The following EHMT2 variants were observed in gnomAD, a reference collection of about 807,000 sequenced individuals.
EHMT2 encodes the protein euchromatic histone lysine methyltransferase 2, also known as histone-lysine N-methyltransferase EHMT2.
Under a neutral mutation model 143.3 loss-of-function variants are expected in EHMT2, and 59 were observed. The ratio of observed to expected loss-of-function variants is 0.41; its 90% CI spans 0.33 to 0.51. The LOEUF is 0.51. EHMT2 is among the 20% of genes least tolerant of loss of function. EHMT2 has a pLI of 0.18. For missense variants in EHMT2, 1,174 were observed against 1,645.9 expected (o/e 0.71, Z 4.96); for synonymous variants, 604 against 651.5 (o/e 0.93, Z 1.11).
chr6:31,881,488 C>T lies in EHMT2; in HGVS notation c.3198-396G>A, dbSNP rs1289268901. ...TACAGGAGTGGCAAGGAACTCAAGG[C>T]ATGATTCGGGGCAAGAGCACCCACA... On this transcript the variant is annotated intron_variant, in intron 25 of 27. Transcript: ENST00000375537. This position sits in a 1 kb window ranked among gnomAD's most constrained non-coding sequence, Gnocchi z 4.8. 1.3e-5 allele frequency: 4 copies of T among 301,616 alleles called. No individual in the cohort carries two copies. The highest frequency in any genetic ancestry group is 8.2e-5 in the Admixed American group (2 of 24,250). The allele number at this position is 301,616 out of a possible 1,614,324, so 18.7% of individuals were successfully genotyped here. A position where few individuals can be genotyped will look rare whatever the true frequency, so the allele number is the denominator to read the frequency against.
chr6:31,883,002 C>T lies in EHMT2; in HGVS notation c.3002G>A (p.Arg1001Gln), dbSNP rs374553342. The change falls in exon 24 of 28, where the codon CGA becomes CAA. Residue 1001 changes from arginine to glutamine, a missense_variant. Arg to Gln is a conservative substitution (Grantham distance 43, BLOSUM62 1). Around this residue, in one of 6 missense-constraint regions of EHMT2, gnomAD observed 78 missense variants for 144.0 expected, o/e 0.54. Transcript: ENST00000375537. This position sits in a 1 kb window ranked among gnomAD's most constrained non-coding sequence, Gnocchi z 5.6. ...AATCTTGTTAAATTCCTGGAGCAAT[C>T]GCCCATCCTAGGGTGCGGAGGGGAG... The T allele has an allele frequency of 3.7e-6, 6 of 1,612,692 alleles. No homozygotes were observed. In the African/African-American group the frequency reaches 5.3e-5, roughly 14 times the overall value.
chr6:31,883,666 G>T lies in EHMT2; in HGVS notation c.2916+140C>A. The T allele has an allele frequency of 7.9e-7, 1 of 1,262,966 alleles. No individual in the cohort carries two copies. Among genetic ancestry groups the T allele is most frequent in the Non-Finnish European group, 1.1e-6 (1 of 894,962 alleles). 78.2% of individuals were successfully genotyped at this position (1,262,966 alleles called of 1,614,324 possible). ...GACCTAGGAAAAGGATCCCTCCCCT[G>T]GTGGGGATGCGACCCCACACCAGGG... On this transcript the variant is annotated intron_variant, in intron 22 of 27. Transcript: ENST00000375537. The surrounding 1 kb of genome is among the most constrained non-coding windows in gnomAD (Gnocchi z 5.6).
rs980650323 is a variant in EHMT2 at position 31,883,028 on chromosome 6, G to T, written c.2995-19C>A. 6.2e-7 allele frequency: 1 copy of T among 1,607,562 alleles called. No homozygotes were observed. Among genetic ancestry groups the T allele is most frequent in the Non-Finnish European group, 8.5e-7 (1 of 1,175,868 alleles). The stretch of plus-strand genomic sequence containing the variant: ...GCCCATCCTAGGGTGCGGAGGGGAG[G>T]ATAGTGGTTTCTCTGTGGGGCCCAC... On this transcript the variant is annotated intron_variant, in intron 23 of 27. Transcript: ENST00000375537. The surrounding 1 kb of genome is among the most constrained non-coding windows in gnomAD (Gnocchi z 5.6).
Position 31,889,552 on chromosome 6 carries a change from TTCCTCCTCC to T in EHMT2, c.906_914del (p.Glu321_Glu323del), listed in dbSNP as rs755741422. The T allele has an allele frequency of 6.2e-7, 1 of 1,611,344 alleles. No individual in the cohort carries two copies. The highest frequency in any genetic ancestry group is 2.2e-5 in the East Asian group (1 of 44,874). On this transcript the variant is annotated inframe_deletion, in exon 8 of 28. Transcript: ENST00000375537. The surrounding 1 kb of genome is among the most constrained non-coding windows in gnomAD (Gnocchi z 5.1). The stretch of plus-strand genomic sequence containing the variant: ...CTTCCTCTTCTTCTTCTTCCTCCTC[TTCCTCCTCC>T]TCCTCTTCACTTAGTTGTTCAGTTA...
intron 1 of EHMT2, among the ~76,000 whole-genome samples, 182 bp downstream of exon 1, chr6:31,897,454 C>T (rs1168844015): frequency 1.3e-5 from 2 of 150,466 alleles, no homozygotes; most frequent in Non-Finnish European, 3.0e-5. Context: ...GCCTCCGTGC[C>T]CACTCCCCCC....
chr6:31,879,834 C>T, exon 28 of EHMT2: 1 of 533,184 alleles, frequency 1.9e-6, no homozygotes, highest in East Asian at 2.8e-5. Context: ...ATTCATCAAA[C>T]TTCAACTGAG....
intron 18 of EHMT2, 24 bp downstream of exon 18, chr6:31,886,557 G>C: frequency 6.3e-7 from 1 of 1,599,476 alleles, no homozygotes; most frequent in Non-Finnish European, 8.5e-7. Context: ...GACCCAGAGG[G>C]GCTGGGCTGG....
At chr6:31,887,915 G>C (rs1339519296) in exon 14 of EHMT2, 1 of 1,605,964 alleles carries the variant, frequency 6.2e-7, no homozygotes, top group Non-Finnish European at 8.5e-7. Context: ...TCAGCCAGGG[G>C]ATCGCAGGGC....
Position 31,894,464 on chromosome 6 carries a change from G to A in EHMT2, c.583-1554C>T, listed in dbSNP as rs527407087. Among the ~76,000 whole-genome samples, 4 of 151,842 alleles carry A rather than the reference G, an allele frequency of 2.6e-5. No individual in the cohort carries two copies. The East Asian group carries it at 7.7e-4, about 29-fold the overall frequency. ...GCCTGGCCTAATTTTTGTATTTTTA[G>A]TAGAGACAGGGTTTCACTATGTTGG... On this transcript the variant is annotated intron_variant, in intron 4 of 27. Coordinates refer to ENST00000375537, the Ensembl canonical transcript of EHMT2.
chr6:31,897,663 C>G (rs914315381), exon 1 of EHMT2: 4 of 1,131,550 alleles, frequency 3.5e-6, no homozygotes, highest in Non-Finnish European at 4.4e-6. Context: ...CTGCAGCTCC[C>G]GCCGCCGCCG....
At position 31,880,563 on chromosome 6, in the gene EHMT2, G is replaced by T; in HGVS notation, c.3452+110C>A. On this transcript the variant is annotated intron_variant, in intron 27 of 27. Transcript: ENST00000375537. The surrounding 1 kb of genome is among the most constrained non-coding windows in gnomAD (Gnocchi z 6.6). Reference sequence around the variant, plus strand: ...ACTTATGTACACTGAAATCTGAGAAGCTCTGCACTACTCCATGCCTGGACA... The same window carrying T: ...ACTTATGTACACTGAAATCTGAGAATCTCTGCACTACTCCATGCCTGGACA... 2 of 1,185,798 alleles carry T rather than the reference G, an allele frequency of 1.7e-6. No individual in the cohort carries two copies. Among genetic ancestry groups the T allele is most frequent in the Non-Finnish European group, 2.4e-6 (2 of 829,290 alleles). The allele number at this position is 1,185,798 out of a possible 1,614,324, so 73.5% of individuals were successfully genotyped here.
rs776410709 is a variant in EHMT2 at position 31,888,535 on chromosome 6, G to C, written c.1366-29C>G. On this transcript the variant is annotated intron_variant, in intron 11 of 27. Transcript: ENST00000375537. This position sits in a 1 kb window ranked among gnomAD's most constrained non-coding sequence, Gnocchi z 7.4. ...TGCGCAGTGAGGATGGGTGAGAAGAGAGCGTGAGGCTGGGGCCGGGGACTG... is the reference window on the plus strand; with the variant it reads ...TGCGCAGTGAGGATGGGTGAGAAGACAGCGTGAGGCTGGGGCCGGGGACTG... 8.7e-6 allele frequency: 14 copies of C among 1,610,340 alleles called. No homozygotes were observed. The East Asian group carries it at 2.0e-4, about 23-fold the overall frequency.
exon 3 of EHMT2, chr6:31,896,817 G>A (rs758173471): frequency 1.5e-5 from 24 of 1,612,974 alleles, no homozygotes; most frequent in South Asian, 2.2e-5. Context: ...CCCCCAAAGA[G>A]CCATGAACTG....
At position 31,883,291 on chromosome 6, in the gene EHMT2, G is replaced by C; in HGVS notation, c.2994+71C>G. 1 of 1,475,658 alleles carries C rather than the reference G, an allele frequency of 6.8e-7. No individual in the cohort carries two copies. The highest frequency in any genetic ancestry group is 1.2e-5 in the South Asian group (1 of 85,936). 91.4% of individuals were successfully genotyped at this position (1,475,658 alleles called of 1,614,324 possible). Reference sequence around the variant, plus strand: ...GAGGTGAGGGACATGGTCCCAGGGAGCTGGTTTATTGGAGGCTGGCTCCTC... The same window carrying C: ...GAGGTGAGGGACATGGTCCCAGGGACCTGGTTTATTGGAGGCTGGCTCCTC... On this transcript the variant is annotated intron_variant, in intron 23 of 27. Transcript: ENST00000375537. This position sits in a 1 kb window ranked among gnomAD's most constrained non-coding sequence, Gnocchi z 5.6.
At chr6:31,896,690 G>A (rs764118787) in exon 3 of EHMT2, 11 of 1,611,338 alleles carry the variant, frequency 6.8e-6, no homozygotes, top group Non-Finnish European at 8.5e-6. Context: ...GCCCCTACAG[G>A]GGTGTCAGCC....
intron 7 of EHMT2, 137 bp downstream of exon 7, chr6:31,892,270 G>T: frequency 1.0e-6 from 1 of 1,002,122 alleles, no homozygotes; most frequent in Non-Finnish European, 1.4e-6. Flanking sequence ...GTTATAGACA[G>T]CATGGGGCAA....
Position 31,880,560 on chromosome 6 carries a change from GA to G in EHMT2, c.3452+112del. 8.7e-7 allele frequency: 1 copy of G among 1,155,740 alleles called. No homozygotes were observed. The highest frequency in any genetic ancestry group is 1.2e-6 in the Non-Finnish European group (1 of 812,266). 71.6% of individuals were successfully genotyped at this position (1,155,740 alleles called of 1,614,324 possible). ...AATACTTATGTACACTGAAATCTGA[GA>G]AGCTCTGCACTACTCCATGCCTGGA... On this transcript the variant is annotated intron_variant, in intron 27 of 27. Transcript: ENST00000375537. This position sits in a 1 kb window ranked among gnomAD's most constrained non-coding sequence, Gnocchi z 6.6.
At chr6:31,886,661 G>A (rs756858344) in exon 18 of EHMT2, 7 of 1,613,914 alleles carry the variant, frequency 4.3e-6, no homozygotes, top group Non-Finnish European at 5.1e-6. Context: ...GCGTGGTGGA[G>A]GCAGGTGGAA....
At position 31,880,722 on chromosome 6, in the gene EHMT2, G is replaced by A; in HGVS notation, c.3403C>T (p.Arg1135Cys). The A allele has an allele frequency of 1.2e-6, 2 of 1,613,916 alleles. No homozygotes were observed. Among genetic ancestry groups the A allele is most frequent in the Non-Finnish European group, 8.5e-7 (1 of 1,180,034 alleles). Residue 1135 changes from arginine (R) to cysteine (C), a missense_variant, in exon 27 of 28, where the codon CGC (arginine) becomes TGC (cysteine). By Grantham distance (180) the Arg-to-Cys change is radical (BLOSUM62 -3). Coordinates refer to ENST00000375537, the Ensembl canonical transcript of EHMT2. This position sits in a 1 kb window ranked among gnomAD's most constrained non-coding sequence, Gnocchi z 6.6. ...TCTCGGGAACTGAAGAAGGCGATGC[G>A]TGGAAATCGCAGGTCTTGGTGCAGC...
Sources: allele counts gnomAD v4.1 joint callset (sites outside exome capture counted in the v4.1 genomes callset), GRCh38; gene constraint gnomAD v4.1.1; regional missense constraint gnomAD v4.1.1; non-coding constraint Gnocchi (gnomAD v3.1); transcripts MANE v1.5; gene names NCBI Gene and HGNC (gene_info 2026-07-23, HGNC 2026-07-21).